Variants in PRDM7 observed in about 807,000 individuals in gnomAD.
PRDM7 encodes PR/SET domain 7, also known as histone-lysine N-methyltransferase PRDM7.
PRDM7 carries 52 observed loss-of-function variants against 64.3 expected under a neutral mutation model. The ratio of observed to expected loss-of-function variants is 0.81; its 90% CI spans 0.65 to 1.02. PRDM7 has a LOEUF of 1.02. Among genes scored for constraint, PRDM7 ranks in the 50% least tolerant of loss-of-function variants. The pLI is 0.00. For synonymous variants in PRDM7, 192 were observed against 210.1 expected, an observed-to-expected ratio of 0.91 and a Z score of 0.74; for missense variants, 574 against 597.1, an observed-to-expected ratio of 0.96 and a Z score of 0.40.
intron 4 of PRDM7, among the ~76,000 whole-genome samples, chr16:90,071,411 G>A (rs9933903): frequency 0.015 from 2,215 of 152,336 alleles, 62 homozygotes; most frequent in African/African-American, 0.051. Context: ...TTACAGGCGT[G>A]AGCCACTGTG....
Position 90,075,258 on chromosome 16 carries a change from G to C in PRDM7, c.193+93C>G. 3 of 1,595,334 alleles carry C rather than the reference G, an allele frequency of 1.9e-6. No homozygotes were observed. Among genetic ancestry groups the C allele is most frequent in the Non-Finnish European group, 2.6e-6 (3 of 1,165,170 alleles). ...GTCTCCGTGCAAAAGGGAATTGTGG[G>C]CAGATGCCGCCACCTGATAATTAAA... On this transcript the variant is annotated intron_variant, in intron 3 of 10. Coordinates refer to ENST00000449207, the MANE Select transcript of PRDM7 (RefSeq NM_001098173.2). This position sits in a 1 kb window ranked among gnomAD's most constrained non-coding sequence, Gnocchi z 4.3.
chr16:90,068,481 A>G (rs1386993083), intron 4 of PRDM7, among the ~76,000 whole-genome samples: 1 of 149,848 alleles, frequency 6.7e-6, no homozygotes, highest in Non-Finnish European at 1.5e-5. Context: ...TAAAAATACA[A>G]AAAATTAGCT....
intron 4 of PRDM7, among the ~76,000 whole-genome samples, chr16:90,072,901 C>T (rs1342465799): frequency 2.6e-5 from 4 of 152,200 alleles, no homozygotes; most frequent in Non-Finnish European, 5.9e-5. Context: ...TCTTACATTA[C>T]ATTAAGGTCT....
Position 90,058,045 on chromosome 16 carries a change from G to C in PRDM7, c.*244C>G, listed in dbSNP as rs769286241. 1.9e-5 allele frequency: 30 copies of C among 1,611,884 alleles called. No individual in the cohort carries two copies. The highest frequency in any genetic ancestry group is 1.6e-4 in the Middle Eastern group (1 of 6,074). On this transcript the variant is annotated 3_prime_UTR_variant, in exon 11 of 11. Coordinates refer to ENST00000449207, the MANE Select transcript of PRDM7 (RefSeq NM_001098173.2). Reference sequence around the variant, plus strand: ...GACGTAGGGCTTCCCCCCTGTGTGTGTCCTTTGGTGTGTAATAACATCTGA... The same window carrying C: ...GACGTAGGGCTTCCCCCCTGTGTGTCTCCTTTGGTGTGTAATAACATCTGA...
At chr16:90,061,856 G>A in intron 8 of PRDM7, 65 bp downstream of exon 8, 1 of 1,600,328 alleles carries the variant, frequency 6.2e-7, no homozygotes, top group South Asian at 1.1e-5. Flanking sequence ...AGAAGGTGAT[G>A]TCCCATCAAA....
At chr16:90,072,117 G>C (rs1455400522) in intron 4 of PRDM7, among the ~76,000 whole-genome samples, 1 of 151,964 alleles carries the variant, frequency 6.6e-6, no homozygotes, top group Non-Finnish European at 1.5e-5. Context: ...TGTAGTCCCA[G>C]CTACTTGGGA....
intron 4 of PRDM7, among the ~76,000 whole-genome samples, chr16:90,070,245 C>A (rs369551069): frequency 6.6e-6 from 1 of 150,822 alleles, no homozygotes; most frequent in Non-Finnish European, 1.5e-5. Flanking sequence ...GATGGAGCCA[C>A]TGGTAGGTAA....
chr16:90,058,401 T>G lies in PRDM7; in HGVS notation c.1367A>C (p.Asn456Thr). ...GATCCCCTGGGCAGGGATTCTCTGG[T>G]TGGAGAAGTTTTCTTGCAGATGGTC... ...SQDHLQENFS[N>T]QRIPAQGIRI... The change falls in exon 11 of 11, where the codon AAC (asparagine) becomes ACC (threonine). Residue 456 changes from asparagine to threonine, a missense_variant. Asn to Thr is a moderately conservative substitution (Grantham distance 65). Coordinates refer to ENST00000449207, the MANE Select transcript of PRDM7 (RefSeq NM_001098173.2). 1 of 1,614,138 alleles carries G rather than the reference T, an allele frequency of 6.2e-7. No homozygotes were observed. Among genetic ancestry groups the G allele is most frequent in the Non-Finnish European group, 8.5e-7 (1 of 1,180,018 alleles).
At chr16:90,076,655 A>G (rs1176302009) in intron 1 of PRDM7, among the ~76,000 whole-genome samples, 1 of 151,986 alleles carries the variant, frequency 6.6e-6, no homozygotes, top group Non-Finnish European at 1.5e-5. Flanking sequence ...GGATGAGATT[A>G]GGGGTCTTTT....
intron 4 of PRDM7, among the ~76,000 whole-genome samples, chr16:90,072,658 C>A (rs560175115): frequency 3.9e-5 from 6 of 152,286 alleles, no homozygotes; most frequent in African/African-American, 1.4e-4. Flanking sequence ...ATCTATTGCA[C>A]AACAGTGTGC....
rs779670745 is a variant in PRDM7 at position 90,060,572 on chromosome 16, C to G, written c.1002G>C (p.Gln334His). The change falls in exon 10 of 11, where the codon CAG becomes CAC. Residue 334 changes from glutamine to histidine, a missense_variant. Physicochemically the swap from Gln to His is conservative, Grantham distance 24. Transcript: ENST00000449207. ...TTCTATAGAAGATCTGCCTGTGGTA[C>G]TGGAAGGCCACCAGGTTCTGCTCTT... is the stretch of plus-strand genomic sequence containing the variant. ...DDEEQNLVAF[Q>H]YHRQIFYRTC... is the part of the protein sequence containing the mutation. The G allele has an allele frequency of 6.9e-5, 111 of 1,614,028 alleles. No individual in the cohort carries two copies. The highest frequency in any genetic ancestry group is 1.0e-4 in the Admixed American group (6 of 60,006).
chr16:90,065,577 A>C (rs141072539), intron 5 of PRDM7, among the ~76,000 whole-genome samples: 3 of 149,980 alleles, frequency 2.0e-5, no homozygotes, highest in Non-Finnish European at 3.0e-5. Flanking sequence ...TGTACAAAAC[A>C]CATAAAAATT....
Position 90,058,015 on chromosome 16 carries a change from C to T in PRDM7, c.*274G>A, listed in dbSNP as rs943959705. On this transcript the variant is annotated 3_prime_UTR_variant, in exon 11 of 11. Transcript: ENST00000449207. ...TCCGGCTAAAGCCCTCCCACACTCT[C>T]TGCAGACGTAGGGCTTCCCCCCTGT... 10 of 1,608,992 alleles carry T rather than the reference C, an allele frequency of 6.2e-6. No individual in the cohort carries two copies. In the African/African-American group the frequency reaches 1.2e-4, roughly 19 times the overall value.
At chr16:90,068,558 C>G (rs2037912624) in intron 4 of PRDM7, among the ~76,000 whole-genome samples, 1 of 149,538 alleles carries the variant, frequency 6.7e-6, no homozygotes, top group African/African-American at 2.5e-5. Flanking sequence ...TGGCATGAAC[C>G]TTGGAAGTGG....
At chr16:90,076,717 G>T (rs2038041668) in intron 1 of PRDM7, among the ~76,000 whole-genome samples, 2 of 152,070 alleles carry the variant, frequency 1.3e-5, no homozygotes, top group East Asian at 1.9e-4. Context: ...GATTCATCAG[G>T]TTAAGGGGAT....
At chr16:90,074,796 T>A in intron 4 of PRDM7, 120 bp downstream of exon 4, 1 of 966,498 alleles carries the variant, frequency 1.0e-6, no homozygotes, top group Non-Finnish European at 1.6e-6. Flanking sequence ...GGAGAATCGC[T>A]TGAACCTGGG....
chr16:90,061,328 G>A lies in PRDM7; in HGVS notation c.950+124C>T. ...AAAGTTGATGGTATAAAACAGCATT[G>A]TATGGAGAAAAATAGAAATAGGGGA... On this transcript the variant is annotated intron_variant, in intron 9 of 10. Transcript: ENST00000449207. The A allele has an allele frequency of 4.1e-6, 4 of 964,040 alleles. No individual in the cohort carries two copies. In the South Asian group the frequency reaches 4.6e-5, roughly 11 times the overall value. The allele number at this position is 964,040 out of a possible 1,614,324, so 59.7% of individuals were successfully genotyped here.
chr16:90,070,768 C>T (rs1484474138), intron 4 of PRDM7, among the ~76,000 whole-genome samples: 4 of 152,194 alleles, frequency 2.6e-5, no homozygotes, highest in Non-Finnish European at 2.9e-5. Context: ...TACTACCAGG[C>T]TTCAGAAATG....
At chr16:90,070,915 T>C (rs72815366) in intron 4 of PRDM7, among the ~76,000 whole-genome samples, 2,550 of 152,336 alleles carry the variant, frequency 0.017, 31 homozygotes, top group Middle Eastern at 0.037. Flanking sequence ...CCAAGAAGCA[T>C]ATGAAAATAT....
Sources: gnomAD v4.1 joint callset for allele counts (sites outside exome capture counted in the v4.1 genomes callset) on GRCh38, gnomAD v4.1.1 for gene constraint, Gnocchi (gnomAD v3.1) non-coding constraint, MANE v1.5 for transcripts, NCBI Gene and HGNC (gene_info 2026-07-23, HGNC 2026-07-21) for gene names.